The following TMEM71 variants were observed in gnomAD, a reference collection of about 807,000 sequenced individuals.
The protein encoded by TMEM71 is transmembrane protein 71.
TMEM71 carries 44 observed loss-of-function variants against 38.0 expected under a neutral mutation model. The observed-to-expected ratio is 1.16, with a 90% CI of 0.91 to 1.49. TMEM71 has a LOEUF of 1.49. Among genes scored for constraint, TMEM71 ranks in the 40% most tolerant of loss-of-function variants. The pLI is 0.00. For missense variants in TMEM71, 367 were observed against 348.6 expected (o/e 1.05, Z -0.42); for synonymous variants, 133 against 122.5 (o/e 1.09, Z -0.56).
At chr8:132,743,283 AGGCCATTCCT>A (rs920909090) in intron 5 of TMEM71, among the ~76,000 whole-genome samples, 33 of 152,176 alleles carry the variant, frequency 2.2e-4, no homozygotes, top group African/African-American at 3.1e-4. Context: ...AGTCTTCTAT[AGGCCATTCCT>A]TTATTTCCTT....
At chr8:132,753,672 C>G (rs1269468101) in intron 3 of TMEM71, among the ~76,000 whole-genome samples, 1 of 152,188 alleles carries the variant, frequency 6.6e-6, no homozygotes, top group Non-Finnish European at 1.5e-5. Flanking sequence ...CAATCCCCCT[C>G]TAAGCCCATA....
the TMEM71 span, among the ~76,000 whole-genome samples, chr8:132,773,809 G>A: frequency 6.6e-6 from 1 of 152,098 alleles, no homozygotes; most frequent in African/African-American, 2.4e-5. Context: ...TTAGTGGGAG[G>A]TTGATTCTGC....
intron 7 of TMEM71, among the ~76,000 whole-genome samples, chr8:132,721,081 T>C (rs1362219953): frequency 6.6e-6 from 1 of 152,188 alleles, no homozygotes; most frequent in African/African-American, 2.4e-5. Context: ...TCTGATGATG[T>C]GACATTTGAA....
At chr8:132,739,437 G>T (rs1159775174) in intron 5 of TMEM71, among the ~76,000 whole-genome samples, 1 of 152,240 alleles carries the variant, frequency 6.6e-6, no homozygotes, top group East Asian at 1.9e-4. Flanking sequence ...TCAGCTTCCC[G>T]CATAGCTGGG....
At chr8:132,732,862 A>T (rs1827536781) in intron 5 of TMEM71, among the ~76,000 whole-genome samples, 1 of 152,182 alleles carries the variant, frequency 6.6e-6, no homozygotes, top group Non-Finnish European at 1.5e-5. Flanking sequence ...TTAAACACCC[A>T]ACAGTGCACA....
At chr8:132,709,712 A>T (rs1225307796), downstream of TMEM71, among the ~76,000 whole-genome samples, 19 of 152,130 alleles carry the variant, frequency 1.2e-4, no homozygotes. Context: ...GCAAGGAAAT[A>T]GATTTTTCCC....
intron 5 of TMEM71, among the ~76,000 whole-genome samples, chr8:132,735,457 G>A (rs760129763): frequency 1.4e-4 from 22 of 152,108 alleles, no homozygotes; most frequent in Admixed American, 1.3e-4. Context: ...AAAGTCACGG[G>A]GCCTTGGGTA....
chr8:132,735,503 T>G (rs1201776165), intron 5 of TMEM71, among the ~76,000 whole-genome samples: 3 of 152,200 alleles, frequency 2.0e-5, no homozygotes, highest in Non-Finnish European at 4.4e-5. Flanking sequence ...AAGATGTGAT[T>G]ACTCTGACAG....
rs770417879 is a variant in TMEM71, at chr8:132,710,147, G to T, written c.*820C>A. 3 of 152,078 alleles carry T rather than the reference G, an allele frequency of 2.0e-5. No homozygotes were observed. Among genetic ancestry groups the T allele is most frequent in the Admixed American group, 6.6e-5 (1 of 15,252 alleles). 9.4% of individuals were successfully genotyped at this position (152,078 alleles called of 1,614,324 possible). A position where few individuals can be genotyped will look rare whatever the true frequency, so the allele number is the denominator to read the frequency against. On this transcript the variant is annotated 3_prime_UTR_variant, in exon 10 of 10. Transcript: ENST00000677595. ...TGCTTTGTGAACACGCACCAAGTGTGGGGGGTGGAAAGGGAACATCTACAG... is the reference window on the plus strand; with the variant it reads ...TGCTTTGTGAACACGCACCAAGTGTTGGGGGTGGAAAGGGAACATCTACAG...
chr8:132,775,571 C>A, the TMEM71 span: 1 of 355,918 alleles, frequency 2.8e-6, no homozygotes, highest in Non-Finnish European at 5.1e-6. Context: ...GGCAGAGGCC[C>A]GGGCTGGCCG....
In TMEM71 at chr8:132,729,960, T is replaced by A. The variant is rs146475110; in HGVS notation, c.488-1974A>T. Reference sequence around the variant, plus strand: ...ATAAGTAAGTGGGTTTTCAGTTAAATTTTTTTTTTTTTTTTGAGACGGAGT... The same window carrying A: ...ATAAGTAAGTGGGTTTTCAGTTAAAATTTTTTTTTTTTTTTGAGACGGAGT... On this transcript the variant is annotated intron_variant, in intron 5 of 9. Coordinates refer to ENST00000677595, the MANE Select transcript of TMEM71 (RefSeq NM_001382403.1). 2.7e-4 allele frequency among the ~76,000 whole-genome samples: 28 copies of A among 102,122 alleles called. No homozygotes were observed. The East Asian group carries it at 8.7e-3, about 32-fold the overall frequency. The allele number at this position is 102,122 out of a possible 152,430, so 67.0% of individuals were successfully genotyped here.
downstream of TMEM71, among the ~76,000 whole-genome samples, chr8:132,708,799 G>A (rs1397408180): frequency 2.6e-5 from 4 of 152,216 alleles, no homozygotes; most frequent in Admixed American, 6.5e-5. Flanking sequence ...GAGGCAAGAT[G>A]TCTAAAGTCA....
chr8:132,757,935 G>A (rs1337433159), intron 2 of TMEM71: 1 of 152,120 alleles, frequency 6.6e-6, no homozygotes, highest in Non-Finnish European at 1.5e-5. Flanking sequence ...GTGTGAAGCA[G>A]GAGAAAACCC....
intron 5 of TMEM71, among the ~76,000 whole-genome samples, chr8:132,741,870 G>T (rs910475915): frequency 6.6e-6 from 1 of 152,154 alleles, no homozygotes; most frequent in African/African-American, 2.4e-5. Context: ...AAACTCCCCG[G>T]GGGAAAAGGA....
chr8:132,713,880 G>A lies in TMEM71; in HGVS notation c.872+115C>T, dbSNP rs79554334. Reference sequence around the variant, plus strand: ...AGTAACAGAAAGTAGTCTTCAGGACGAATGATCAGGATGTTTCCTGTCATT... The same window carrying A: ...AGTAACAGAAAGTAGTCTTCAGGACAAATGATCAGGATGTTTCCTGTCATT... On this transcript the variant is annotated intron_variant, in intron 9 of 9. Coordinates refer to ENST00000677595, the MANE Select transcript of TMEM71 (RefSeq NM_001382403.1). 19 of 987,922 alleles carry A rather than the reference G, an allele frequency of 1.9e-5. No individual in the cohort carries two copies. The Admixed American group carries it at 2.8e-4, about 15-fold the overall frequency. 61.2% of individuals were successfully genotyped at this position (987,922 alleles called of 1,614,324 possible). A position where few individuals can be genotyped will look rare whatever the true frequency, so the allele number is the denominator to read the frequency against.
intron 4 of TMEM71, among the ~76,000 whole-genome samples, chr8:132,748,554 G>C (rs1407722978): frequency 6.6e-6 from 1 of 152,180 alleles, no homozygotes; most frequent in African/African-American, 2.4e-5. Context: ...AAAAATGGTA[G>C]AGTTCATGAC....
chr8:132,773,100 T>C, the TMEM71 span, among the ~76,000 whole-genome samples: 11 of 152,238 alleles, frequency 7.2e-5, no homozygotes, highest in Admixed American at 5.9e-4. Flanking sequence ...TACATGAATG[T>C]CTGGAAGGAC....
At chr8:132,722,337 C>T (rs35547612) in intron 6 of TMEM71, among the ~76,000 whole-genome samples, 18,560 of 152,110 alleles carry the variant, frequency 0.12, 1,332 homozygotes, top group East Asian at 0.38. Context: ...TTTCTTCAAT[C>T]ACTATAAAAT....
intron 7 of TMEM71, among the ~76,000 whole-genome samples, chr8:132,720,756 C>T (rs11782362): frequency 0.53 from 80,893 of 152,072 alleles, 23,183 homozygotes; most frequent in African/African-American, 0.75. Flanking sequence ...ATGTGGGACT[C>T]GAGAGCAGGC....
Sources: gnomAD v4.1 joint callset for allele counts (sites outside exome capture counted in the v4.1 genomes callset) on GRCh38, gnomAD v4.1.1 for gene constraint, MANE v1.5 for transcripts, NCBI Gene and HGNC (gene_info 2026-07-23, HGNC 2026-07-21) for gene names.